The following FBXO33 variants were observed in gnomAD, a reference collection of about 807,000 sequenced individuals.
FBXO33 encodes the protein F-box protein 33.
In FBXO33, 22 loss-of-function variants were observed where a neutral mutation model predicts 46.3. The ratio of observed to expected loss-of-function variants is 0.48; its 90% CI spans 0.34 to 0.68. The LOEUF (loss-of-function observed/expected upper bound fraction) is 0.68. Ranked by LOEUF, FBXO33 falls within the 30% of genes least tolerant of loss-of-function variation. FBXO33 has a pLI of 0.01. For missense variants in FBXO33, 692 were observed against 708.8 expected, an observed-to-expected ratio of 0.98 and a Z score of 0.27; for synonymous variants, 337 against 291.3, an observed-to-expected ratio of 1.16 and a Z score of -1.60.
At chr14:39,429,741 G>C (rs1456028982) in intron 1 of FBXO33, among the ~76,000 whole-genome samples, 2 of 152,186 alleles carry the variant, frequency 1.3e-5, no homozygotes, top group Admixed American at 1.3e-4. Context: ...TAGGGATGAC[G>C]GGTGTGATGT....
At chr14:39,423,976 CCA>C (rs1474935928) in intron 1 of FBXO33, among the ~76,000 whole-genome samples, 1 of 152,154 alleles carries the variant, frequency 6.6e-6, no homozygotes, top group African/African-American at 2.4e-5. Context: ...CTTGTATTCC[CCA>C]GTGTCTATTG....
intron 1 of FBXO33, among the ~76,000 whole-genome samples, chr14:39,407,340 A>G (rs2075403727): frequency 6.6e-6 from 1 of 152,182 alleles, no homozygotes; most frequent in African/African-American, 2.4e-5. Flanking sequence ...ATTCTCCCCA[A>G]ATTGATCAAC....
chr14:39,425,249 T>C (rs2075506819), intron 1 of FBXO33, among the ~76,000 whole-genome samples: 1 of 152,218 alleles, frequency 6.6e-6, no homozygotes, highest in Non-Finnish European at 1.5e-5. Flanking sequence ...TTCTCTCTTC[T>C]GTGGGTCAGA....
At position 39,399,711 on chromosome 14, in the gene FBXO33, G is replaced by A. The variant is rs200556309; in HGVS notation, c.1473C>T (p.Thr491=). The change falls in exon 4 of 4, where the codon ACC becomes ACT. Residue 491 remains threonine (T), a synonymous_variant. Coordinates refer to ENST00000298097, the MANE Select transcript of FBXO33 (RefSeq NM_203301.4). ...RGSDLKVLEV[T]EESIDFDQGE... ...CTTGGTCAAAATCAATGCTTTCTTCGGTGACTTCAAGCACTTTCAGATCAG... is the reference window on the plus strand; with the variant it reads ...CTTGGTCAAAATCAATGCTTTCTTCAGTGACTTCAAGCACTTTCAGATCAG... 1.7e-5 allele frequency: 27 copies of A among 1,613,890 alleles called. No homozygotes were observed. Among genetic ancestry groups the A allele is most frequent in the East Asian group, 1.3e-4 (6 of 44,876 alleles).
At chr14:39,410,478 C>A (rs1430184518) in intron 1 of FBXO33, among the ~76,000 whole-genome samples, 3 of 152,146 alleles carry the variant, frequency 2.0e-5, no homozygotes, top group Non-Finnish European at 4.4e-5. Flanking sequence ...AGACACTGAC[C>A]TATAGTTTTA....
In FBXO33 at chr14:39,397,888, T is replaced by TATAAG. The variant is rs1183071622; in HGVS notation, c.*1623_*1627dup. On this transcript the variant is annotated 3_prime_UTR_variant, in exon 4 of 4. Coordinates refer to ENST00000298097, the MANE Select transcript of FBXO33 (RefSeq NM_203301.4). ...AGGAGTTATTTTATCTGATCACATT[T>TATAAG]ATAAGATAAAATCTCACCACATCTG... The TATAAG allele has an allele frequency of 6.6e-6, 1 of 152,626 alleles. No individual in the cohort carries two copies. The highest frequency in any genetic ancestry group is 2.4e-5 in the African/African-American group (1 of 41,450). The allele number at this position is 152,626 out of a possible 1,614,324, so 9.5% of individuals were successfully genotyped here.
Position 39,401,579 on chromosome 14 carries a change from A to T in FBXO33, c.993T>A (p.His331Gln). 2 of 1,614,228 alleles carry T rather than the reference A, an allele frequency of 1.2e-6. No individual in the cohort carries two copies. ...EMARVLTDSN[H>Q]VPLQRLSLLV... ...GAAGAGACAGTCGTTGCAAAGGCAC[A>T]TGGTTGCTATCAGTTAAGACTCTTG... The change falls in exon 3 of 4, where the codon CAT becomes CAA. Residue 331 changes from histidine (H) to glutamine (Q), a missense_variant. Physicochemically the swap from His to Gln is conservative, Grantham distance 24. This residue lies in a region of FBXO33 where 186 missense variants were observed against 246.1 expected (regional missense o/e 0.76). Transcript: ENST00000298097.
chr14:39,399,331 C>CT lies in FBXO33; in HGVS notation c.*184dup. On this transcript the variant is annotated 3_prime_UTR_variant, in exon 4 of 4. Transcript: ENST00000298097. ...ACCGTGAAAGCCCTATACATTGTCA[C>CT]TTTGAACTTCTAAACCAATACCCGA... 1 of 512,160 alleles carries CT rather than the reference C, an allele frequency of 2.0e-6. No individual in the cohort carries two copies. The allele number at this position is 512,160 out of a possible 1,614,324, so 31.7% of individuals were successfully genotyped here.
At chr14:39,408,603 C>T (rs2075409044) in intron 1 of FBXO33, among the ~76,000 whole-genome samples, 1 of 151,712 alleles carries the variant, frequency 6.6e-6, no homozygotes, top group Admixed American at 6.6e-5. Context: ...ACCTCTGGCT[C>T]CCAGATTCAA....
At chr14:39,409,643 T>C (rs1036977492) in intron 1 of FBXO33, among the ~76,000 whole-genome samples, 6 of 152,238 alleles carry the variant, frequency 3.9e-5, no homozygotes, top group South Asian at 4.1e-4. Flanking sequence ...AGAGATTGCA[T>C]TGAATCTGTA....
intron 1 of FBXO33, among the ~76,000 whole-genome samples, chr14:39,424,743 G>T (rs2075502566): frequency 6.6e-6 from 1 of 152,178 alleles, no homozygotes; most frequent in Non-Finnish European, 1.5e-5. Flanking sequence ...ACAGAAAATA[G>T]AAAACATACA....
intron 1 of FBXO33, among the ~76,000 whole-genome samples, chr14:39,413,744 C>T (rs2075434581): frequency 6.6e-6 from 1 of 152,176 alleles, no homozygotes; most frequent in African/African-American, 2.4e-5. Flanking sequence ...CACCAGAGCT[C>T]TTGAGTGACC....
intron 1 of FBXO33, among the ~76,000 whole-genome samples, chr14:39,424,987 G>A (rs1330576491): frequency 6.6e-6 from 1 of 152,136 alleles, no homozygotes; most frequent in Admixed American, 6.5e-5. Flanking sequence ...GGGAGTCAGA[G>A]GTGGCAGTGA....
chr14:39,401,420 C>T lies in FBXO33; in HGVS notation c.1152G>A (p.Met384Ile). 1 of 1,614,168 alleles carries T rather than the reference C, an allele frequency of 6.2e-7. No individual in the cohort carries two copies. The highest frequency in any genetic ancestry group is 8.5e-7 in the Non-Finnish European group (1 of 1,180,032). Residue 384 changes from methionine to isoleucine, a missense_variant, in exon 3 of 4, where the codon ATG becomes ATA. Physicochemically the swap from Met to Ile is conservative, Grantham distance 10. This residue lies in a region of FBXO33 where 186 missense variants were observed against 246.1 expected (regional missense o/e 0.76). Transcript: ENST00000298097. Reference sequence around the variant, plus strand: ...GTATACTGGGTTTCAGAATCTTTAACATATCTTCACTCTTGATATCAAAAG... The same window carrying T: ...GTATACTGGGTTTCAGAATCTTTAATATATCTTCACTCTTGATATCAAAAG... ...IMAFDIKSEDMLKILKPSIPL... is the reference protein window; with the variant it reads ...IMAFDIKSEDILKILKPSIPL...
intron 1 of FBXO33, among the ~76,000 whole-genome samples, chr14:39,418,068 A>G (rs2075458069): frequency 6.6e-6 from 1 of 151,024 alleles, no homozygotes; most frequent in Non-Finnish European, 1.5e-5. Context: ...TTCTATTATT[A>G]TTATTATTTT....
intron 1 of FBXO33, among the ~76,000 whole-genome samples, chr14:39,422,020 G>A (rs1161310137): frequency 6.6e-6 from 1 of 152,152 alleles, no homozygotes; most frequent in Non-Finnish European, 1.5e-5. Context: ...CCCTTTGTGA[G>A]GCTGAGGCAG....
intron 1 of FBXO33, among the ~76,000 whole-genome samples, chr14:39,404,621 C>T (rs1035101946): frequency 1.3e-5 from 2 of 151,968 alleles, no homozygotes; most frequent in Admixed American, 1.3e-4. Flanking sequence ...CCACCGTGCC[C>T]GGCTTTAAAT....
At chr14:39,415,385 A>G (rs774254074) in intron 1 of FBXO33, among the ~76,000 whole-genome samples, 5 of 152,238 alleles carry the variant, frequency 3.3e-5, no homozygotes, top group Non-Finnish European at 7.3e-5. Flanking sequence ...TGGTGCCAAT[A>G]TAGTTGCTTG....
intron 1 of FBXO33, among the ~76,000 whole-genome samples, chr14:39,430,812 C>T (rs2075540626): frequency 6.6e-6 from 1 of 152,048 alleles, no homozygotes; most frequent in Non-Finnish European, 1.5e-5. Flanking sequence ...GAATATAAGG[C>T]GTTAGTTCTG....
Sources: allele counts gnomAD v4.1 joint callset (sites outside exome capture counted in the v4.1 genomes callset), GRCh38; gene constraint gnomAD v4.1.1; regional missense constraint gnomAD v4.1.1; transcripts MANE v1.5; gene names NCBI Gene and HGNC (gene_info 2026-07-23, HGNC 2026-07-21).